The following TRIB2 variants were observed in gnomAD, a reference collection of about 807,000 sequenced individuals.
The protein encoded by TRIB2 is tribbles homolog 2.
In TRIB2, 2 loss-of-function variants were observed where a neutral mutation model predicts 26.8. The observed-to-expected ratio is 0.07, with a 90% CI of 0.03 to 0.24. TRIB2 has a LOEUF of 0.24. Among genes scored for constraint, TRIB2 ranks in the 10% least tolerant of loss-of-function variants. The pLI is 1.00. For synonymous variants in TRIB2, 189 were observed against 187.3 expected, an observed-to-expected ratio of 1.01 and a Z score of -0.08; for missense variants, 306 against 449.0, an observed-to-expected ratio of 0.68 and a Z score of 2.88.
In TRIB2 at chr2:12,717,133, G is replaced by C. The variant is rs1227807644; in HGVS notation, c.-1175G>C. The C allele has an allele frequency of 5.3e-6, 2 of 374,224 alleles. No homozygotes were observed. Among genetic ancestry groups the C allele is most frequent in the Non-Finnish European group, 9.5e-6 (2 of 211,590 alleles). The allele number at this position is 374,224 out of a possible 1,614,324, so 23.2% of individuals were successfully genotyped here. The stretch of plus-strand genomic sequence containing the variant: ...TACACGGTCCCCTCTTTTCTCTGGG[G>C]GGGGCAAGCAAGAAATCAAAGAAGG... On this transcript the variant is annotated 5_prime_UTR_variant, in exon 1 of 3. Transcript: ENST00000155926. This position sits in a 1 kb window ranked among gnomAD's most constrained non-coding sequence, Gnocchi z 4.8.
chr2:12,720,179 A>G (rs1400632637), intron 1 of TRIB2, among the ~76,000 whole-genome samples: 1 of 152,246 alleles, frequency 6.6e-6, no homozygotes, highest in Non-Finnish European at 1.5e-5. Flanking sequence ...TTAAAATCAG[A>G]GGTGACTCTG....
At chr2:12,724,378 G>A (rs1002238471) in intron 2 of TRIB2, among the ~76,000 whole-genome samples, 8 of 152,162 alleles carry the variant, frequency 5.3e-5, no homozygotes, top group African/African-American at 7.2e-5. Context: ...TCTCCCAGCC[G>A]ATTTTGATTA....
At position 12,723,442 on chromosome 2, in the gene TRIB2, G is replaced by A. The variant is rs779131015; in HGVS notation, c.453G>A (p.Glu151=). The A allele has an allele frequency of 1.4e-5, 22 of 1,614,118 alleles. No individual in the cohort carries two copies. Among genetic ancestry groups the A allele is most frequent in the South Asian group, 8.8e-5 (8 of 91,090 alleles). ...CCTGCAAGAAGCTGAGAGAGGAGGA[G>A]GCAGCCAGACTGTTCTACCAGATTG... The part of the protein sequence containing the change: ...VRTCKKLREE[E]AARLFYQIAS... The change falls in exon 2 of 3, where the codon GAG becomes GAA. Residue 151 remains glutamate (E), a synonymous_variant. Transcript: ENST00000155926.
At chr2:12,726,295 G>T (rs1343820363) in intron 2 of TRIB2, among the ~76,000 whole-genome samples, 1 of 152,178 alleles carries the variant, frequency 6.6e-6, no homozygotes, top group Non-Finnish European at 1.5e-5. Context: ...TTAACCTCTC[G>T]ATTCCAGAAT....
At chr2:12,721,796 T>C (rs1558314770) in intron 1 of TRIB2, among the ~76,000 whole-genome samples, 1 of 152,252 alleles carries the variant, frequency 6.6e-6, no homozygotes, top group Non-Finnish European at 1.5e-5. Context: ...CATCCCTGTT[T>C]GACTCACAGA....
rs973081618 is a variant in TRIB2 at position 12,740,986 on chromosome 2, G to T, written c.*192G>T. The T allele has an allele frequency of 1.8e-5, 11 of 603,384 alleles. No homozygotes were observed. Among genetic ancestry groups the T allele is most frequent in the Non-Finnish European group, 2.9e-5 (10 of 346,850 alleles). 37.4% of individuals were successfully genotyped at this position (603,384 alleles called of 1,614,324 possible). On this transcript the variant is annotated 3_prime_UTR_variant, in exon 3 of 3. Coordinates refer to ENST00000155926, the MANE Select transcript of TRIB2 (RefSeq NM_021643.4). The surrounding 1 kb of genome is among the most constrained non-coding windows in gnomAD (Gnocchi z 5.8). The stretch of plus-strand genomic sequence containing the variant: ...ATGGGGGCAAGAGGCGTGGGATGGG[G>T]ATTGGGGTGAGATGGATGGGAGCCC...
chr2:12,725,332 A>C (rs1484589863), intron 2 of TRIB2, among the ~76,000 whole-genome samples: 1 of 152,244 alleles, frequency 6.6e-6, no homozygotes, highest in Non-Finnish European at 1.5e-5. Context: ...GAGGTCCCCA[A>C]GTCATAGAAC....
chr2:12,717,059 C>T lies in TRIB2; in HGVS notation c.-1249C>T. 1 of 235,520 alleles carries T rather than the reference C, an allele frequency of 4.2e-6. No homozygotes were observed. The highest frequency in any genetic ancestry group is 8.1e-5 in the East Asian group (1 of 12,394). The allele number at this position is 235,520 out of a possible 1,614,324, so 14.6% of individuals were successfully genotyped here. A position where few individuals can be genotyped will look rare whatever the true frequency, so the allele number is the denominator to read the frequency against. On this transcript the variant is annotated 5_prime_UTR_variant, in exon 1 of 3. Coordinates refer to ENST00000155926, the MANE Select transcript of TRIB2 (RefSeq NM_021643.4). This position sits in a 1 kb window ranked among gnomAD's most constrained non-coding sequence, Gnocchi z 4.8. ...CGCCGGGGGATGCGGGCGTGCTGAG[C>T]GCGGGGATTGGCCTCGGGCACCGTC... is the stretch of plus-strand genomic sequence containing the variant.
At chr2:12,733,992 G>A (rs1479612668) in intron 2 of TRIB2, among the ~76,000 whole-genome samples, 1 of 152,232 alleles carries the variant, frequency 6.6e-6, no homozygotes, top group East Asian at 1.9e-4. Flanking sequence ...CCGGGATCCG[G>A]TGACACAAGG....
At chr2:12,736,322 G>GGAGGGA (rs1661566122) in intron 2 of TRIB2, among the ~76,000 whole-genome samples, 1 of 152,102 alleles carries the variant, frequency 6.6e-6, no homozygotes, top group South Asian at 2.1e-4. Flanking sequence ...AGGCTGGGAA[G>GGAGGGA]GAGGGAGAGG....
chr2:12,736,821 G>T (rs1309947357), intron 2 of TRIB2, among the ~76,000 whole-genome samples: 1 of 152,230 alleles, frequency 6.6e-6, no homozygotes, highest in East Asian at 1.9e-4. Context: ...ATGATACATA[G>T]TAAATCATGA....
chr2:12,718,124 A>G lies in TRIB2; in HGVS notation c.-184A>G. 1.2e-6 allele frequency: 1 copy of G among 812,626 alleles called. No individual in the cohort carries two copies. Among genetic ancestry groups the G allele is most frequent in the South Asian group, 2.0e-5 (1 of 51,266 alleles). 50.3% of individuals were successfully genotyped at this position (812,626 alleles called of 1,614,324 possible). On this transcript the variant is annotated 5_prime_UTR_variant, in exon 1 of 3. Coordinates refer to ENST00000155926, the MANE Select transcript of TRIB2 (RefSeq NM_021643.4). The surrounding 1 kb of genome is among the most constrained non-coding windows in gnomAD (Gnocchi z 4.0). ...CCCCCGGGAGCCGGGCTCGGAGCAGACGAGGTATCCGGCGGCGCCCATTTG... is the reference window on the plus strand; with the variant it reads ...CCCCCGGGAGCCGGGCTCGGAGCAGGCGAGGTATCCGGCGGCGCCCATTTG...
chr2:12,717,362 G>A lies in TRIB2; in HGVS notation c.-946G>A, dbSNP rs752775669. 1 of 398,454 alleles carries A rather than the reference G, an allele frequency of 2.5e-6. No homozygotes were observed. The allele number at this position is 398,454 out of a possible 1,614,324, so 24.7% of individuals were successfully genotyped here. On this transcript the variant is annotated 5_prime_UTR_variant, in exon 1 of 3. Coordinates refer to ENST00000155926, the MANE Select transcript of TRIB2 (RefSeq NM_021643.4). This position sits in a 1 kb window ranked among gnomAD's most constrained non-coding sequence, Gnocchi z 4.8. ...CGCAGGACCCCCGCAAGCTCGTGCC[G>A]GCGAAATCGGAGACCGCCGATCTGT...
intron 2 of TRIB2, chr2:12,724,822 T>C (rs2103251721): frequency 6.2e-7 from 1 of 1,611,690 alleles, no homozygotes; most frequent in Non-Finnish European, 8.5e-7. Context: ...TGTGCTTCTT[T>C]GAATATTCTC....
chr2:12,740,636 G>C lies in TRIB2; in HGVS notation c.874G>C (p.Glu292Gln). The change falls in exon 3 of 3, where the codon GAG (glutamate) becomes CAG (glutamine). Residue 292 changes from glutamate (E) to glutamine (Q), a missense_variant. Glu to Gln is a conservative substitution (Grantham distance 29). Transcript: ENST00000155926. This position sits in a 1 kb window ranked among gnomAD's most constrained non-coding sequence, Gnocchi z 5.8. Reference sequence around the variant, plus strand: ...CCTCATCCGAAGCATTCTGCGTCGGGAGCCCTCAGAGCGGCTGACCTCGCA... The same window carrying C: ...CCTCATCCGAAGCATTCTGCGTCGGCAGCCCTCAGAGCGGCTGACCTCGCA... ...KCLIRSILRR[E>Q]PSERLTSQEI... The C allele has an allele frequency of 6.2e-7, 1 of 1,614,190 alleles. No individual in the cohort carries two copies. Among genetic ancestry groups the C allele is most frequent in the Non-Finnish European group, 8.5e-7 (1 of 1,180,042 alleles).
rs1398493451 is a variant in TRIB2, at chr2:12,718,951, C to T, written c.270+374C>T. Among the ~76,000 whole-genome samples the T allele has an allele frequency of 6.6e-6, 1 of 152,130 alleles. No homozygotes were observed. The highest frequency in any genetic ancestry group is 1.5e-5 in the Non-Finnish European group (1 of 68,030). ...CCTTCCAACAAGGATTAGGGAATCCCCCGGTAATTTTAAGACTGATGACTT... is the reference window on the plus strand; with the variant it reads ...CCTTCCAACAAGGATTAGGGAATCCTCCGGTAATTTTAAGACTGATGACTT... On this transcript the variant is annotated intron_variant, in intron 1 of 2. Coordinates refer to ENST00000155926, the MANE Select transcript of TRIB2 (RefSeq NM_021643.4). This position sits in a 1 kb window ranked among gnomAD's most constrained non-coding sequence, Gnocchi z 4.0.
In TRIB2 at chr2:12,723,293, G is replaced by T. The variant is rs140143213; in HGVS notation, c.304G>T (p.Ala102Ser). 4.6e-4 allele frequency: 736 copies of T among 1,613,916 alleles called. No individual in the cohort carries two copies. Among genetic ancestry groups the T allele is most frequent in the Non-Finnish European group, 5.8e-4 (688 of 1,180,036 alleles). Residue 102 changes from alanine to serine, a missense_variant, in exon 2 of 3, where the codon GCA becomes TCA. By Grantham distance (99) the Ala-to-Ser change is moderately conservative. Transcript: ENST00000155926. Reference protein sequence around the residue: ...FDISCYQESLAPCFCLSAHSN... With the variant: ...FDISCYQESLSPCFCLSAHSN... ...TATCAGCTGCTACCAGGAATCCCTG[G>T]CACCGTGCTTTTGCCTGTCTGCTCA... is the stretch of plus-strand genomic sequence containing the variant.
intron 1 of TRIB2, among the ~76,000 whole-genome samples, chr2:12,722,639 T>G (rs1661244920): frequency 2.0e-5 from 3 of 150,584 alleles, no homozygotes; most frequent in Admixed American, 2.0e-4. Context: ...GCAAGGCTGC[T>G]TCCCTATTCA....
chr2:12,732,148 C>T lies in TRIB2; in HGVS notation c.564-8178C>T, dbSNP rs531395332. On this transcript the variant is annotated intron_variant, in intron 2 of 2. Transcript: ENST00000155926. The surrounding 1 kb of genome is among the most constrained non-coding windows in gnomAD (Gnocchi z 4.2). The stretch of plus-strand genomic sequence containing the variant: ...TGCTTGTGTGGTGTCTGCATGGGGG[C>T]GTGGGAAGGTGTTCGGGTACAATGA... Among the ~76,000 whole-genome samples, 3 of 152,124 alleles carry T rather than the reference C, an allele frequency of 2.0e-5. No homozygotes were observed. Among genetic ancestry groups the T allele is most frequent in the Non-Finnish European group, 4.4e-5 (3 of 68,002 alleles).
Sources: gnomAD v4.1 joint callset for allele counts (sites outside exome capture counted in the v4.1 genomes callset) on GRCh38, gnomAD v4.1.1 for gene constraint, Gnocchi (gnomAD v3.1) non-coding constraint, MANE v1.5 for transcripts, NCBI Gene and HGNC (gene_info 2026-07-23, HGNC 2026-07-21) for gene names.